Variants in PRDM16 observed in about 807,000 individuals in gnomAD.
PRDM16 encodes PR/SET domain 16, also known as histone-lysine N-methyltransferase PRDM16.
PRDM16 carries 23 observed loss-of-function variants against 110.6 expected under a neutral mutation model. That is an observed-to-expected ratio of 0.21 (90% CI 0.15 to 0.29). The LOEUF is 0.29. Among genes scored for constraint, PRDM16 ranks in the 10% least tolerant of loss-of-function variants. The probability of loss-of-function intolerance (pLI) is 1.00; values close to 1 mark genes in which losing one functional copy is unlikely to be tolerated. For missense variants in PRDM16, 1,615 were observed against 1,794.3 expected (o/e 0.90, Z 1.81); for synonymous variants, 799 against 781.8 (o/e 1.02, Z -0.37).
rs115211806 is a variant in PRDM16 at position 3,424,005 on chromosome 1, G to A, written c.2940-1576G>A. On this transcript the variant is annotated intron_variant, in intron 12 of 16. Coordinates refer to ENST00000270722, the MANE Select transcript of PRDM16 (RefSeq NM_022114.4). The stretch of plus-strand genomic sequence containing the variant: ...GTGCACACACAGGCATGGCACACAC[G>A]CACATGCCAAGCACCCACGTGCAAC... Among the ~76,000 whole-genome samples the A allele has an allele frequency of 5.3e-3, 814 of 152,356 alleles. 8 individuals are homozygous for A. Among genetic ancestry groups the A allele is most frequent in the African/African-American group, 0.019 (790 of 41,582 alleles).
chr1:3,260,705 T>A (rs928907787), intron 3 of PRDM16, among the ~76,000 whole-genome samples: 1 of 149,134 alleles, frequency 6.7e-6, no homozygotes, highest in Non-Finnish European at 1.5e-5. Context: ...ATGATGGTGA[T>A]GGTGGTGGGG....
chr1:3,249,481 C>T (rs1415885330), intron 3 of PRDM16, among the ~76,000 whole-genome samples: 1 of 151,918 alleles, frequency 6.6e-6, no homozygotes, highest in Non-Finnish European at 1.5e-5. Flanking sequence ...CAGCCAGCAA[C>T]ACAGATCCCG....
At chr1:3,274,924 G>C (rs1401163816) in intron 3 of PRDM16, among the ~76,000 whole-genome samples, 1 of 152,228 alleles carries the variant, frequency 6.6e-6, no homozygotes, top group Non-Finnish European at 1.5e-5. Context: ...AGGCGTTCTT[G>C]CTCTGGGGAT....
Position 3,404,885 on chromosome 1 carries a change from A to C in PRDM16, c.1031A>C (p.Lys344Thr), listed in dbSNP as rs773068904. The C allele has an allele frequency of 3.1e-6, 5 of 1,612,766 alleles. No homozygotes were observed. Among genetic ancestry groups the C allele is most frequent in the Non-Finnish European group, 4.2e-6 (5 of 1,179,844 alleles). Reference protein sequence around the residue: ...GKRFECENCVKVFTDPSNLQR... With the variant: ...GKRFECENCVTVFTDPSNLQR... Reference sequence around the variant, plus strand: ...CGCTTCGAATGTGAAAACTGCGTGAAGGTAACCTGCGGGGCGGCCCCGTCT... The same window carrying C: ...CGCTTCGAATGTGAAAACTGCGTGACGGTAACCTGCGGGGCGGCCCCGTCT... The change falls in exon 7 of 17, where the codon AAG becomes ACG. Residue 344 changes from lysine (K) to threonine (T), a missense_variant and splice_region_variant. This residue lies in a region of PRDM16 where 82 missense variants were observed against 144.4 expected (regional missense o/e 0.57). Transcript: ENST00000270722.
chr1:3,074,420 TGTGTGTGTGCGC>T (rs1009587070), intron 1 of PRDM16, among the ~76,000 whole-genome samples: 13 of 152,160 alleles, frequency 8.5e-5, no homozygotes, highest in Middle Eastern at 3.4e-3. Flanking sequence ...TCTGTGTGTG[TGTGTGTGTGCGC>T]GTGTGTGTGT....
At chr1:3,378,009 C>T (rs1643024729) in intron 3 of PRDM16, among the ~76,000 whole-genome samples, 1 of 152,168 alleles carries the variant, frequency 6.6e-6, no homozygotes, top group Admixed American at 6.5e-5. Flanking sequence ...CAAAACAGGC[C>T]CGGCTCCCAG....
chr1:3,280,841 G>A (rs1047094356), intron 3 of PRDM16, among the ~76,000 whole-genome samples: 2 of 152,188 alleles, frequency 1.3e-5, no homozygotes, highest in Non-Finnish European at 2.9e-5. Flanking sequence ...AAATCAAAGT[G>A]GGGTTCTCAC....
At chr1:3,371,106 G>A (rs1233193064) in intron 3 of PRDM16, among the ~76,000 whole-genome samples, 3 of 120,536 alleles carry the variant, frequency 2.5e-5, no homozygotes, top group African/African-American at 6.6e-5. Flanking sequence ...CATCCACTCA[G>A]TAATCCACCC....
chr1:3,293,413 GTTGTA>G (rs1299009126), intron 3 of PRDM16, among the ~76,000 whole-genome samples: 1 of 152,206 alleles, frequency 6.6e-6, no homozygotes, highest in Non-Finnish European at 1.5e-5. Flanking sequence ...GTGGGTAAAG[GTTGTA>G]TTGCTATCTG....
At chr1:3,154,506 G>A (rs569785155) in intron 1 of PRDM16, among the ~76,000 whole-genome samples, 6 of 152,314 alleles carry the variant, frequency 3.9e-5, no homozygotes, top group Non-Finnish European at 5.9e-5. Context: ...CACTCCTCCC[G>A]CCTCCAGGAA....
chr1:3,254,053 G>T (rs1181669823), intron 3 of PRDM16, among the ~76,000 whole-genome samples: 10 of 152,078 alleles, frequency 6.6e-5, no homozygotes, highest in African/African-American at 2.4e-4. Flanking sequence ...TTTTGATGGG[G>T]TTGTTTTTTT....
intron 2 of PRDM16, among the ~76,000 whole-genome samples, chr1:3,205,223 G>C (rs919619109): frequency 3.9e-5 from 6 of 152,266 alleles, no homozygotes; most frequent in South Asian, 4.1e-4. Flanking sequence ...CGGGCAGCAG[G>C]AATGGTGCAG....
chr1:3,229,022 G>A (rs934948896), intron 2 of PRDM16, among the ~76,000 whole-genome samples: 5 of 152,266 alleles, frequency 3.3e-5, no homozygotes, highest in African/African-American at 1.2e-4. Context: ...TATTTCTGTA[G>A]CTCTTCAAGA....
At chr1:3,144,543 G>T (rs903060460) in intron 1 of PRDM16, among the ~76,000 whole-genome samples, 2 of 152,124 alleles carry the variant, frequency 1.3e-5, no homozygotes, top group South Asian at 2.1e-4. Flanking sequence ...TGGGGTGGGT[G>T]GGGGAGGGGG....
At chr1:3,098,363 G>C (rs961055499) in intron 1 of PRDM16, among the ~76,000 whole-genome samples, 11 of 152,210 alleles carry the variant, frequency 7.2e-5, no homozygotes, top group African/African-American at 2.7e-4. Flanking sequence ...ACTGCCCACT[G>C]GGGGGTTGCG....
chr1:3,365,727 C>T (rs906662009), intron 3 of PRDM16, among the ~76,000 whole-genome samples: 2 of 152,234 alleles, frequency 1.3e-5, no homozygotes, highest in South Asian at 2.1e-4. Flanking sequence ...GTCACCTCGC[C>T]GCGGCCTCGT....
chr1:3,252,536 C>T (rs1639958801), intron 3 of PRDM16, among the ~76,000 whole-genome samples: 1 of 152,152 alleles, frequency 6.6e-6, no homozygotes, highest in South Asian at 2.1e-4. Flanking sequence ...AGGAGGTGGG[C>T]CCCTCGTGGA....
At chr1:3,109,592 A>G (rs1642739164) in intron 1 of PRDM16, among the ~76,000 whole-genome samples, 1 of 152,218 alleles carries the variant, frequency 6.6e-6, no homozygotes, top group African/African-American at 2.4e-5. Context: ...GCTTCCGCCG[A>G]GGACTAATTG....
intron 3 of PRDM16, among the ~76,000 whole-genome samples, chr1:3,273,168 T>A (rs2500307): frequency 1 from 152,330 of 152,332 alleles, 76,164 homozygotes; most frequent in Middle Eastern, 1. Flanking sequence ...TGAGGTGGGC[T>A]CCATGGCAGA....
Sources: allele counts gnomAD v4.1 joint callset (sites outside exome capture counted in the v4.1 genomes callset), GRCh38; gene constraint gnomAD v4.1.1; regional missense constraint gnomAD v4.1.1; transcripts MANE v1.5; gene names NCBI Gene and HGNC (gene_info 2026-07-23, HGNC 2026-07-21).